The following MAP6D1 variants were observed in gnomAD, a reference collection of about 807,000 sequenced individuals.
The protein encoded by MAP6D1 is MAP6 domain-containing protein 1.
A neutral mutation model predicts 17.4 loss-of-function variants in MAP6D1; 13 were observed. The observed-to-expected ratio is 0.75, with a 90% CI of 0.49 to 1.19. MAP6D1 has a LOEUF of 1.19. Ranked by LOEUF, MAP6D1 falls within the 50% of genes most tolerant of loss-of-function variation. The probability of loss-of-function intolerance (pLI) is 0.00; values close to 1 mark genes in which losing one functional copy is unlikely to be tolerated. For synonymous variants in MAP6D1, 141 were observed against 145.7 expected (o/e 0.97, Z 0.23); for missense variants, 313 against 312.6 (o/e 1.00, Z -0.01).
intron 1 of MAP6D1, chr3:183,820,473 AGGCT>A (rs2108562541): frequency 1.3e-5 from 2 of 152,354 alleles, no homozygotes; most frequent in East Asian, 3.9e-4. Flanking sequence ...AGGGTCAGAG[AGGCT>A]GACCCAGCCA....
intron 1 of MAP6D1, among the ~76,000 whole-genome samples, chr3:183,821,541 CTTTTT>C (rs59131602): frequency 1.0e-5 from 1 of 98,122 alleles, no homozygotes; most frequent in East Asian, 3.3e-4. Flanking sequence ...TGAGGGATTG[CTTTTT>C]TTTTTTTTTT....
rs2108560766 is a variant in MAP6D1 at position 183,816,618 on chromosome 3, T to C, written c.*738A>G. 6.5e-6 allele frequency: 1 copy of C among 152,804 alleles called. No individual in the cohort carries two copies. Among genetic ancestry groups the C allele is most frequent in the South Asian group, 2.1e-4 (1 of 4,840 alleles). The allele number at this position is 152,804 out of a possible 1,614,324, so 9.5% of individuals were successfully genotyped here. A position where few individuals can be genotyped will look rare whatever the true frequency, so the allele number is the denominator to read the frequency against. The stretch of plus-strand genomic sequence containing the variant: ...ACAGTTCCAGTTCTCAGCCAGTGTG[T>C]ATGATAGTGCCCTGCTCATCATCCT... On this transcript the variant is annotated 3_prime_UTR_variant, in exon 3 of 3. Coordinates refer to ENST00000318631, the MANE Select transcript of MAP6D1 (RefSeq NM_024871.4).
At chr3:183,818,519 C>T (rs1359754335) in intron 1 of MAP6D1, among the ~76,000 whole-genome samples, 1 of 152,196 alleles carries the variant, frequency 6.6e-6, no homozygotes, top group East Asian at 1.9e-4. Context: ...GGTGCTATAC[C>T]TGCACCCCCT....
At chr3:183,825,113 TG>T in intron 1 of MAP6D1, 33 bp downstream of exon 1, 1 of 1,361,096 alleles carries the variant, frequency 7.3e-7, no homozygotes, top group Non-Finnish European at 9.5e-7. Context: ...CACCACAGGG[TG>T]GGGACTCGTT....
chr3:183,824,497 T>A (rs1727326773), intron 1 of MAP6D1, among the ~76,000 whole-genome samples: 1 of 152,220 alleles, frequency 6.6e-6, no homozygotes, highest in African/African-American at 2.4e-5. Flanking sequence ...AAAGAACTCG[T>A]CTGGGGAGGG....
At position 183,816,438 on chromosome 3, in the gene MAP6D1, AAGTT is replaced by A. The variant is rs141865598; in HGVS notation, c.*914_*917del. 6.6e-6 allele frequency: 1 copy of A among 152,246 alleles called. No individual in the cohort carries two copies. The highest frequency in any genetic ancestry group is 1.5e-5 in the Non-Finnish European group (1 of 68,108). The allele number at this position is 152,246 out of a possible 1,614,324, so 9.4% of individuals were successfully genotyped here. A position where few individuals can be genotyped will look rare whatever the true frequency, so the allele number is the denominator to read the frequency against. On this transcript the variant is annotated 3_prime_UTR_variant, in exon 3 of 3. Coordinates refer to ENST00000318631, the MANE Select transcript of MAP6D1 (RefSeq NM_024871.4). ...CCATGCTGGCTGGAATTTACGGAGG[AAGTT>A]AGGAGAGAGCTTTGCAAAGAAAATG...
chr3:183,824,747 C>G (rs1727336525), intron 1 of MAP6D1, among the ~76,000 whole-genome samples: 1 of 152,238 alleles, frequency 6.6e-6, no homozygotes, highest in Non-Finnish European at 1.5e-5. Context: ...AACGCCCGCA[C>G]ACTAGGCAGT....
In MAP6D1 at chr3:183,818,057, T is replaced by G. The variant is rs1311187474; in HGVS notation, c.456A>C (p.Lys152Asn). Reference sequence around the variant, plus strand: ...TGTGGGTTGTGATGACTCGGGCTGGTTTTGTCTTTGTGGATCTTGAGGGCT... The same window carrying G: ...TGTGGGTTGTGATGACTCGGGCTGGGTTTGTCTTTGTGGATCTTGAGGGCT... ...GVKPSRSTKT[K>N]PARVITTHTS... The change falls in exon 2 of 3, where the codon AAA becomes AAC. Residue 152 changes from lysine to asparagine, a missense_variant. By Grantham distance (94) the Lys-to-Asn change is moderately conservative. Transcript: ENST00000318631. 6.2e-7 allele frequency: 1 copy of G among 1,613,994 alleles called. No individual in the cohort carries two copies. The highest frequency in any genetic ancestry group is 1.7e-5 in the Admixed American group (1 of 60,002).
intron 1 of MAP6D1, among the ~76,000 whole-genome samples, chr3:183,822,997 T>G (rs1040628321): frequency 2.6e-5 from 4 of 152,208 alleles, no homozygotes; most frequent in Non-Finnish European, 5.9e-5. Context: ...TAGCAGAGGC[T>G]TAGCTTTTAT....
intron 1 of MAP6D1, among the ~76,000 whole-genome samples, chr3:183,822,938 G>A (rs1397691268): frequency 6.6e-6 from 1 of 152,240 alleles, no homozygotes; most frequent in Non-Finnish European, 1.5e-5. Flanking sequence ...TCTGCCCATG[G>A]AGCGAGCTGA....
Position 183,818,077 on chromosome 3 carries a change from A to G in MAP6D1, c.436T>C (p.Ser146Pro), listed in dbSNP as rs1343824093. ...EFQAWTGVKPSRSTKTKPARV... is the reference protein window; with the variant it reads ...EFQAWTGVKPPRSTKTKPARV... ...GCTGGTTTTGTCTTTGTGGATCTTG[A>G]GGGCTTCACTCCAGTCCAAGCCTGG... Residue 146 changes from serine (S) to proline (P), a missense_variant, in exon 2 of 3, where the codon TCA (serine) becomes CCA (proline). Coordinates refer to ENST00000318631, the MANE Select transcript of MAP6D1 (RefSeq NM_024871.4). The G allele has an allele frequency of 6.2e-7, 1 of 1,613,954 alleles. No individual in the cohort carries two copies. Among genetic ancestry groups the G allele is most frequent in the African/African-American group, 1.3e-5 (1 of 74,882 alleles).
chr3:183,823,548 C>T (rs1295609623), intron 1 of MAP6D1, among the ~76,000 whole-genome samples: 1 of 152,084 alleles, frequency 6.6e-6, no homozygotes, highest in Non-Finnish European at 1.5e-5. Flanking sequence ...TTACAGTGAG[C>T]CAAGATGGCG....
chr3:183,825,319 T>G lies in MAP6D1; in HGVS notation c.229A>C (p.Thr77Pro). 1 of 1,362,058 alleles carries G rather than the reference T, an allele frequency of 7.3e-7. No homozygotes were observed. The highest frequency in any genetic ancestry group is 2.5e-4 in the Middle Eastern group (1 of 4,004). The allele number at this position is 1,362,058 out of a possible 1,614,324, so 84.4% of individuals were successfully genotyped here. ...TQYQRDFGLW[T>P]TPAGPKDPPP... ...GGATCCTTGGGCCCGGCGGGCGTGG[T>G]CCACAAGCCGAAGTCCCGCTGGTAC... The change falls in exon 1 of 3, where the codon ACC becomes CCC. Residue 77 changes from threonine (T) to proline (P), a missense_variant. Thr to Pro is a conservative substitution (Grantham distance 38). Transcript: ENST00000318631.
rs1034821515 is a variant in MAP6D1, at chr3:183,817,276, G to A, written c.*80C>T. 40 of 1,406,688 alleles carry A rather than the reference G, an allele frequency of 2.8e-5. No individual in the cohort carries two copies. The highest frequency in any genetic ancestry group is 5.9e-5 in the Admixed American group (3 of 50,642). The allele number at this position is 1,406,688 out of a possible 1,614,324, so 87.1% of individuals were successfully genotyped here. ...CCGCAGGGGCCCATGCCATGCTCTC[G>A]CCCAGCCCCGCGGCAGTGGGTCCTG... On this transcript the variant is annotated 3_prime_UTR_variant, in exon 3 of 3. Coordinates refer to ENST00000318631, the MANE Select transcript of MAP6D1 (RefSeq NM_024871.4).
chr3:183,821,582 A>T (rs1727259973), intron 1 of MAP6D1, among the ~76,000 whole-genome samples: 1 of 115,786 alleles, frequency 8.6e-6, no homozygotes, highest in Non-Finnish European at 1.6e-5. Context: ...GTCTCGCTCT[A>T]TTGCCCAGGC....
intron 2 of MAP6D1, among the ~76,000 whole-genome samples, 170 bp from the exon 3 acceptor site, chr3:183,817,606 A>C (rs1316445291): frequency 6.6e-6 from 1 of 152,126 alleles, no homozygotes; most frequent in East Asian, 1.9e-4. Context: ...GCGTCACTGC[A>C]TTAGCAGCTG....
chr3:183,825,176 GT>G lies in MAP6D1; in HGVS notation c.371del (p.Asp124AlafsTer6), dbSNP rs1727355129. 1 of 1,460,742 alleles carries G rather than the reference GT, an allele frequency of 6.8e-7. No homozygotes were observed. Among genetic ancestry groups the G allele is most frequent in the Non-Finnish European group, 9.1e-7 (1 of 1,103,704 alleles). 90.5% of individuals were successfully genotyped at this position (1,460,742 alleles called of 1,614,324 possible). ...GVYVLPIGDA[D>X]AAAAVTTSYR... ...ACGACGTGGTCACTGCTGCAGCCGCGTCCGCGTCGCCGATGGGCAGCACGTA... is the reference window on the plus strand; with the variant it reads ...ACGACGTGGTCACTGCTGCAGCCGCGCCGCGTCGCCGATGGGCAGCACGTA... On this transcript the variant is annotated frameshift_variant, in exon 1 of 3. Coordinates refer to ENST00000318631, the MANE Select transcript of MAP6D1 (RefSeq NM_024871.4). LOFTEE classifies it high-confidence loss of function.
intron 1 of MAP6D1, among the ~76,000 whole-genome samples, chr3:183,822,943 A>G (rs564715849): frequency 1.3e-5 from 2 of 152,330 alleles, no homozygotes; most frequent in African/African-American, 4.8e-5. Flanking sequence ...CCATGGAGCG[A>G]GCTGACTTGC....
At position 183,825,376 on chromosome 3, in the gene MAP6D1, G is replaced by A. The variant is rs780698630; in HGVS notation, c.172C>T (p.Arg58Trp). 36 of 1,441,830 alleles carry A rather than the reference G, an allele frequency of 2.5e-5. No homozygotes were observed. The South Asian group carries it at 3.9e-4, about 16-fold the overall frequency. 89.3% of individuals were successfully genotyped at this position (1,441,830 alleles called of 1,614,324 possible). The change falls in exon 1 of 3, where the codon CGG becomes TGG. Residue 58 changes from arginine (R) to tryptophan (W), a missense_variant. Transcript: ENST00000318631. ...AGCGGCACGTCCCGGCCGGAATCCC[G>A]GGCGCCCGCGGGAGGCTGGCCCCTG... ...SRRGQPPAGA[R>W]DSGRDVPLTQ...
Sources: gnomAD v4.1 joint callset for allele counts (sites outside exome capture counted in the v4.1 genomes callset) on GRCh38, gnomAD v4.1.1 for gene constraint, MANE v1.5 for transcripts, NCBI Gene and HGNC (gene_info 2026-07-23, HGNC 2026-07-21) for gene names.